The following LIG3 variants were observed in gnomAD, a reference collection of about 807,000 sequenced individuals.
The protein encoded by LIG3 is DNA ligase 3.
Under a neutral mutation model 110.9 loss-of-function variants are expected in LIG3, and 58 were observed. That is an observed-to-expected ratio of 0.52 (90% CI 0.42 to 0.65). LIG3 has a LOEUF of 0.65. Among genes scored for constraint, LIG3 ranks in the 30% least tolerant of loss-of-function variants. The probability of loss-of-function intolerance (pLI) is 0.00; values close to 1 mark genes in which losing one functional copy is unlikely to be tolerated. For synonymous variants in LIG3, 422 were observed against 472.8 expected, an observed-to-expected ratio of 0.89 and a Z score of 1.39; for missense variants, 1,094 against 1,273.8, an observed-to-expected ratio of 0.86 and a Z score of 2.15.
chr17:34,994,558 G>A lies in LIG3; in HGVS notation c.1611+127G>A, dbSNP rs562204308. ...AGGGTTTGTTTTTTATTTGTTGAAT[G>A]AATTAATTCATTTATTCATTTTTGG... is the stretch of plus-strand genomic sequence containing the variant. On this transcript the variant is annotated intron_variant, in intron 9 of 19. Coordinates refer to ENST00000378526, the MANE Select transcript of LIG3 (RefSeq NM_013975.4). 4.3e-5 allele frequency: 42 copies of A among 973,082 alleles called. No homozygotes were observed. The African/African-American group carries it at 6.8e-4, about 16-fold the overall frequency. 60.3% of individuals were successfully genotyped at this position (973,082 alleles called of 1,614,324 possible).
At chr17:35,000,608 CTTTTTTTT>C (rs57663136) in intron 16 of LIG3, among the ~76,000 whole-genome samples, 54 of 80,420 alleles carry the variant, frequency 6.7e-4, no homozygotes, top group Non-Finnish European at 9.5e-4. Context: ...TTGGGAGATA[CTTTTTTTT>C]TTTTTTTTTT....
At chr17:34,981,245 C>G (rs887289821) in intron 1 of LIG3, 1 of 152,186 alleles carries the variant, frequency 6.6e-6, no homozygotes, top group Non-Finnish European at 1.5e-5. Flanking sequence ...CTCAAGTCCA[C>G]TCCTTTCATT....
chr17:34,985,660 CTA>C (rs1429101267), intron 2 of LIG3, among the ~76,000 whole-genome samples: 3 of 152,174 alleles, frequency 2.0e-5, no homozygotes, highest in Admixed American at 6.5e-5. Context: ...ATCCATCAAA[CTA>C]TGATTTCTGA....
In LIG3 at chr17:34,989,646, G is replaced by C. The variant is rs199806002; in HGVS notation, c.872G>C (p.Arg291Pro). The C allele has an allele frequency of 1.9e-6, 3 of 1,614,084 alleles. No individual in the cohort carries two copies. The highest frequency in any genetic ancestry group is 2.5e-6 in the Non-Finnish European group (3 of 1,180,020). ...TKTQIIQDFL[R>P]KGSAGDGFHG... ...ACCCAGATCATCCAGGACTTCCTTC[G>C]GAAAGGCTCAGCAGGAGGTGTGGCA... Residue 291 changes from arginine (R) to proline (P), a missense_variant, in exon 4 of 20, where the codon CGG becomes CCG. Transcript: ENST00000378526.
At position 34,988,000 on chromosome 17, in the gene LIG3, C is replaced by T. The variant is rs564430850; in HGVS notation, c.692-1466C>T. ...ACGAGGTCAGGAGATCGAGACCATC[C>T]TGGCTAACACAGTGAAACCCTGTCT... On this transcript the variant is annotated intron_variant, in intron 3 of 19. Transcript: ENST00000378526. 3.8e-4 allele frequency among the ~76,000 whole-genome samples: 58 copies of T among 151,856 alleles called. 1 individual carries two copies. The South Asian group carries it at 5.2e-3, about 14-fold the overall frequency.
intron 16 of LIG3, 111 bp from the exon 17 acceptor site, chr17:35,001,146 T>A: frequency 9.0e-7 from 1 of 1,106,568 alleles, no homozygotes; most frequent in Non-Finnish European, 1.3e-6. Context: ...CCTCAAGTAA[T>A]CTGCCCACCT....
At position 34,980,684 on chromosome 17, in the gene LIG3, CG is replaced by C. The variant is rs909157161; in HGVS notation, c.-5+66del. The C allele has an allele frequency of 3.4e-3, 1,468 of 426,362 alleles. 15 individuals carry two copies. The highest frequency in any genetic ancestry group is 0.03 in the African/African-American group (1,254 of 42,410). The allele number at this position is 426,362 out of a possible 1,614,324, so 26.4% of individuals were successfully genotyped here. On this transcript the variant is annotated intron_variant, in intron 1 of 19. Transcript: ENST00000378526. ...CCCGGCGTGGGGAAGGCAGCGGGCCCGGGGCGAGGAGCTCGGCGCGGCCGGG... is the reference window on the plus strand; with the variant it reads ...CCCGGCGTGGGGAAGGCAGCGGGCCCGGGCGAGGAGCTCGGCGCGGCCGGG...
rs764049571 is a variant in LIG3, at chr17:34,998,560, G to C, written c.1990-44G>C. 4 of 1,608,644 alleles carry C rather than the reference G, an allele frequency of 2.5e-6. No homozygotes were observed. The South Asian group carries it at 4.4e-5, about 18-fold the overall frequency. On this transcript the variant is annotated intron_variant, in intron 13 of 19. Transcript: ENST00000378526. Reference sequence around the variant, plus strand: ...GTGAAGGGGTGAACCCATCCTCATGGAGTTGCCTTTCTATTCTGTGGTCTC... The same window carrying C: ...GTGAAGGGGTGAACCCATCCTCATGCAGTTGCCTTTCTATTCTGTGGTCTC...
intron 1 of LIG3, 48 bp from the exon 2 acceptor site, chr17:34,982,954 T>G: frequency 7.0e-7 from 1 of 1,431,658 alleles, no homozygotes; most frequent in Non-Finnish European, 9.3e-7. Flanking sequence ...CCTATCTCCT[T>G]GTTTATATCT....
At chr17:34,983,618 C>A (rs2090627868) in intron 2 of LIG3, 66 bp downstream of exon 2, 1 of 1,416,910 alleles carries the variant, frequency 7.1e-7, no homozygotes, top group South Asian at 1.4e-5. Flanking sequence ...AGGAGTTCAA[C>A]TGCTTTCTTT....
chr17:34,989,711 GC>G (rs1357294492), intron 4 of LIG3, 48 bp downstream of exon 4: 2 of 1,566,198 alleles, frequency 1.3e-6, no homozygotes, highest in Admixed American at 3.3e-5. Flanking sequence ...AGAGCTCAAG[GC>G]CATGGCTGCC....
Position 34,990,946 on chromosome 17 carries a change from G to T in LIG3, c.890-17G>T, listed in dbSNP as rs759218532. 2.0e-5 allele frequency: 32 copies of T among 1,612,048 alleles called. No homozygotes were observed. The Middle Eastern group carries it at 3.3e-3, about 166-fold the overall frequency. On this transcript the variant is annotated splice_polypyrimidine_tract_variant and intron_variant, in intron 4 of 19. Transcript: ENST00000378526. ...GTTTAAGCTCTATTTCTCAAGAAGG[G>T]TTCCTTCTGTCTCCAGATGGTTTCC... is the stretch of plus-strand genomic sequence containing the variant.
At chr17:34,998,166 C>T in intron 12 of LIG3, 53 bp from the exon 13 acceptor site, 1 of 1,415,564 alleles carries the variant, frequency 7.1e-7, no homozygotes, top group South Asian at 1.2e-5. Context: ...CCCCCACTCA[C>T]TCACCACCTT....
At chr17:34,981,682 C>T (rs2090595294) in intron 1 of LIG3, 1 of 152,348 alleles carries the variant, frequency 6.6e-6, no homozygotes, top group East Asian at 1.9e-4. Flanking sequence ...ATTCCAGGTC[C>T]ACCAGCTTTC....
Position 34,992,027 on chromosome 17 carries a change from A to C in LIG3, c.1278A>C (p.Ala426=). Residue 426 remains alanine (A), a synonymous_variant, in exon 7 of 20, where the codon GCA becomes GCC. Coordinates refer to ENST00000378526, the MANE Select transcript of LIG3 (RefSeq NM_013975.4). ...ATGATCTGAAGATGAACTCAGGTGC[A>C]AAACATGTGTAAGTAGCAGCTCCGC... ...IKHDLKMNSG[A]KHVLDALDPN... The C allele has an allele frequency of 6.2e-7, 1 of 1,614,102 alleles. No homozygotes were observed.
At chr17:34,997,272 T>G in intron 11 of LIG3, 1 of 173,094 alleles carries the variant, frequency 5.8e-6, no homozygotes, top group Non-Finnish European at 1.3e-5. Context: ...GCCACATCCT[T>G]GATTGGGGAA....
chr17:35,004,124 G>T (rs1375165617), intron 19 of LIG3, 149 bp from the exon 20 acceptor site: 24 of 625,224 alleles, frequency 3.8e-5, no homozygotes, highest in Non-Finnish European at 5.7e-6. Flanking sequence ...GACTGGAGGG[G>T]TGGGGGTATT....
chr17:34,999,402 A>C lies in LIG3; in HGVS notation c.2209A>C (p.Thr737Pro). The change falls in exon 15 of 20, where the codon ACG (threonine) becomes CCG (proline). Residue 737 changes from threonine to proline, a missense_variant. Coordinates refer to ENST00000378526, the MANE Select transcript of LIG3 (RefSeq NM_013975.4). ...TKCAGGHDDA[T>P]LARLQNELDM... ...GTGTGCAGGAGGCCATGATGATGCC[A>C]CGCTTGCCCGCCTGCAGAATGAACT... The C allele has an allele frequency of 6.2e-7, 1 of 1,614,116 alleles. No homozygotes were observed. The highest frequency in any genetic ancestry group is 2.2e-5 in the East Asian group (1 of 44,884).
Position 35,006,282 on chromosome 17 carries a change from C to T in LIG3, c.*1776C>T, listed in dbSNP as rs2090894700. ...AGCAATTGAAATGAAGCTGGCACAACTAAGGAACTGAAGTTCTTATTTTAA... is the reference window on the plus strand; with the variant it reads ...AGCAATTGAAATGAAGCTGGCACAATTAAGGAACTGAAGTTCTTATTTTAA... On this transcript the variant is annotated 3_prime_UTR_variant, in exon 20 of 20. Coordinates refer to ENST00000378526, the MANE Select transcript of LIG3 (RefSeq NM_013975.4). The T allele has an allele frequency of 1.3e-5, 2 of 155,376 alleles. No homozygotes were observed. Among genetic ancestry groups the T allele is most frequent in the African/African-American group, 4.8e-5 (2 of 41,470 alleles). The allele number at this position is 155,376 out of a possible 1,614,324, so 9.6% of individuals were successfully genotyped here.
Sources: gnomAD v4.1 joint callset for allele counts (sites outside exome capture counted in the v4.1 genomes callset) on GRCh38, gnomAD v4.1.1 for gene constraint, MANE v1.5 for transcripts, NCBI Gene and HGNC (gene_info 2026-07-23, HGNC 2026-07-21) for gene names.